The following EIF3H variants were observed in gnomAD, a reference collection of about 807,000 sequenced individuals.
EIF3H encodes the protein eukaryotic translation initiation factor 3 subunit H, also known as eIF-3-gamma.
EIF3H carries 26 observed loss-of-function variants against 44.2 expected under a neutral mutation model. The ratio of observed to expected loss-of-function variants is 0.59; its 90% CI spans 0.43 to 0.82. The LOEUF is 0.82. Among genes scored for constraint, EIF3H ranks in the 40% least tolerant of loss-of-function variants. The pLI, the probability that EIF3H is intolerant of heterozygous loss-of-function variation, is 0.00. For missense variants in EIF3H, 359 were observed against 432.8 expected, an observed-to-expected ratio of 0.83 and a Z score of 1.51; for synonymous variants, 166 against 151.9, an observed-to-expected ratio of 1.09 and a Z score of -0.68.
At chr8:116,701,363 T>C (rs902721073) in intron 2 of EIF3H, among the ~76,000 whole-genome samples, 5 of 152,170 alleles carry the variant, frequency 3.3e-5, no homozygotes, top group African/African-American at 1.2e-4. Context: ...AGATATAGTG[T>C]GATAGTCCCC....
intron 2 of EIF3H, among the ~76,000 whole-genome samples, chr8:116,691,293 A>C (rs1349397827): frequency 6.6e-6 from 1 of 152,236 alleles, no homozygotes; most frequent in Non-Finnish European, 1.5e-5. Flanking sequence ...CTGCAGTTCA[A>C]GACCAAATGC....
At chr8:116,715,077 T>C (rs1476298276) in intron 2 of EIF3H, among the ~76,000 whole-genome samples, 1 of 152,040 alleles carries the variant, frequency 6.6e-6, no homozygotes, top group African/African-American at 2.4e-5. Context: ...AACATCACCA[T>C]ACAAACTTAT....
intron 1 of EIF3H, among the ~76,000 whole-genome samples, chr8:116,751,513 T>C (rs955956819): frequency 6.6e-6 from 1 of 152,124 alleles, no homozygotes; most frequent in African/African-American, 2.4e-5. Flanking sequence ...TCTAGAAATA[T>C]AGGGTGCTGT....
chr8:116,761,269 T>C (rs1165690461), intron 1 of EIF3H, among the ~76,000 whole-genome samples: 3 of 152,156 alleles, frequency 2.0e-5, no homozygotes, highest in East Asian at 1.9e-4. Context: ...CCCAGCACTT[T>C]AGGAGGCCAA....
At chr8:116,743,808 A>C (rs1563659998) in intron 1 of EIF3H, among the ~76,000 whole-genome samples, 1 of 86,034 alleles carries the variant, frequency 1.2e-5, no homozygotes, top group Non-Finnish European at 2.0e-5. Context: ...AAACACACAC[A>C]CACACACACA....
At chr8:116,724,922 T>C (rs576712733) in intron 2 of EIF3H, among the ~76,000 whole-genome samples, 25 of 152,322 alleles carry the variant, frequency 1.6e-4, no homozygotes, top group African/African-American at 5.5e-4. Context: ...GTAATACCAC[T>C]TCTGGGTACA....
intron 2 of EIF3H, among the ~76,000 whole-genome samples, chr8:116,713,062 A>G (rs1814601358): frequency 6.6e-6 from 1 of 152,176 alleles, no homozygotes; most frequent in Non-Finnish European, 1.5e-5. Context: ...ATTACCTTAA[A>G]GTTTAGTAAG....
chr8:116,721,276 G>A (rs572632240), intron 2 of EIF3H, among the ~76,000 whole-genome samples: 4 of 152,340 alleles, frequency 2.6e-5, no homozygotes, highest in African/African-American at 7.2e-5. Context: ...CAGCTTCCAC[G>A]TGGTGTTGAG....
chr8:116,679,008 G>A (rs1293880770), intron 2 of EIF3H, among the ~76,000 whole-genome samples: 2 of 73,580 alleles, frequency 2.7e-5, no homozygotes, highest in Non-Finnish European at 7.8e-5. Context: ...TCAGCCCCCC[G>A]CCCGGCCAGC....
At chr8:116,709,522 T>C (rs1814536747) in intron 2 of EIF3H, among the ~76,000 whole-genome samples, 1 of 152,214 alleles carries the variant, frequency 6.6e-6, no homozygotes, top group Non-Finnish European at 1.5e-5. Context: ...TTGTACAAAT[T>C]TTTGAAATTC....
At chr8:116,727,143 C>T (rs530511781) in intron 1 of EIF3H, among the ~76,000 whole-genome samples, 2 of 152,310 alleles carry the variant, frequency 1.3e-5, no homozygotes, top group African/African-American at 4.8e-5. Context: ...GCCAGGCACA[C>T]ACAGGGTGAG....
At chr8:116,681,652 G>A (rs2130844558) in intron 2 of EIF3H, among the ~76,000 whole-genome samples, 1 of 132,694 alleles carries the variant, frequency 7.5e-6, no homozygotes, top group African/African-American at 3.0e-5. Flanking sequence ...GGCAACAAGA[G>A]CGAAACTCCA....
At chr8:116,695,253 G>A (rs1814250733) in intron 2 of EIF3H, among the ~76,000 whole-genome samples, 1 of 151,984 alleles carries the variant, frequency 6.6e-6, no homozygotes, top group Non-Finnish European at 1.5e-5. Context: ...TTTCTTAGTA[G>A]AGATGGGGTT....
At chr8:116,755,911 C>A, upstream of EIF3H, 2 of 1,548,366 alleles carry the variant, frequency 1.3e-6, no homozygotes, top group African/African-American at 1.4e-5. Flanking sequence ...GAAGGAGAAG[C>A]CAAAATTGGG....
At chr8:116,751,354 C>A (rs1235433829) in intron 1 of EIF3H, among the ~76,000 whole-genome samples, 2 of 152,076 alleles carry the variant, frequency 1.3e-5, no homozygotes, top group African/African-American at 4.8e-5. Flanking sequence ...GGAATACATA[C>A]TCATTCATTT....
chr8:116,650,737 C>G (rs1813375317), intron 5 of EIF3H, among the ~76,000 whole-genome samples: 1 of 152,172 alleles, frequency 6.6e-6, no homozygotes, highest in African/African-American at 2.4e-5. Flanking sequence ...ACCTCCACCT[C>G]CCGGGTTCAA....
At chr8:116,668,600 T>C (rs1161296579) in intron 2 of EIF3H, among the ~76,000 whole-genome samples, 1 of 152,166 alleles carries the variant, frequency 6.6e-6, no homozygotes, top group Non-Finnish European at 1.5e-5. Context: ...CAGACTACTC[T>C]GAATCTGAAG....
chr8:116,737,791 T>C (rs1023939739), intron 1 of EIF3H: 1 of 152,392 alleles, frequency 6.6e-6, no homozygotes, highest in Non-Finnish European at 1.5e-5. Flanking sequence ...TCCTAGCACT[T>C]TGGGAGGCCC....
At chr8:116,675,455 G>A (rs1432926802) in intron 2 of EIF3H, among the ~76,000 whole-genome samples, 2 of 152,238 alleles carry the variant, frequency 1.3e-5, no homozygotes, top group Admixed American at 1.3e-4. Flanking sequence ...CAGTGCCCCG[G>A]CCTCTATCCT....
Sources: allele counts gnomAD v4.1 joint callset (sites outside exome capture counted in the v4.1 genomes callset), GRCh38; gene constraint gnomAD v4.1.1; transcripts MANE v1.5; gene names NCBI Gene and HGNC (gene_info 2026-07-23, HGNC 2026-07-21).